Variants in SEMA3A observed in about 807,000 individuals in gnomAD.
SEMA3A encodes the protein semaphorin-3A.
Under a neutral mutation model 97.9 loss-of-function variants are expected in SEMA3A, and 29 were observed. The ratio of observed to expected loss-of-function variants is 0.30; its 90% CI spans 0.22 to 0.40. The LOEUF (loss-of-function observed/expected upper bound fraction) is 0.40. Ranked by LOEUF, SEMA3A falls within the 10% of genes least tolerant of loss-of-function variation. SEMA3A has a pLI of 1.00. For synonymous variants in SEMA3A, 321 were observed against 323.7 expected (o/e 0.99, Z 0.09); for missense variants, 763 against 951.3 (o/e 0.80, Z 2.60).
intron 1 of SEMA3A, among the ~76,000 whole-genome samples, chr7:84,447,693 T>C (rs906881185): frequency 6.6e-6 from 1 of 152,122 alleles, no homozygotes; most frequent in African/African-American, 2.4e-5. Context: ...TTGCTCACCC[T>C]CCAGTTGTCC....
chr7:84,091,100 GAGAA>G (rs774845420), intron 4 of SEMA3A, among the ~76,000 whole-genome samples: 8 of 95,348 alleles, frequency 8.4e-5, no homozygotes, highest in African/African-American at 1.9e-4. Flanking sequence ...AGGAAAGAAA[GAGAA>G]AGAAAGAAAG....
At chr7:84,472,160 T>C (rs1482946332) in intron 1 of SEMA3A, among the ~76,000 whole-genome samples, 2 of 152,104 alleles carry the variant, frequency 1.3e-5, no homozygotes, top group Non-Finnish European at 2.9e-5. Flanking sequence ...TGTGATTACA[T>C]GTCCATATAA....
chr7:84,011,479 C>T (rs563003742), intron 7 of SEMA3A, among the ~76,000 whole-genome samples, 182 bp from the exon 8 acceptor site: 3 of 152,046 alleles, frequency 2.0e-5, no homozygotes, highest in Admixed American at 6.5e-5. Context: ...GTGGTCGAAT[C>T]GTTCCCTCAA....
intron 4 of SEMA3A, among the ~76,000 whole-genome samples, chr7:84,098,992 C>T (rs992415248): frequency 1.3e-5 from 2 of 151,262 alleles, no homozygotes; most frequent in African/African-American, 4.9e-5. Flanking sequence ...GTAATAACAA[C>T]AATCGTGGAC....
chr7:83,962,461 A>G (rs1271366560), intron 16 of SEMA3A, among the ~76,000 whole-genome samples: 2 of 152,176 alleles, frequency 1.3e-5, no homozygotes, highest in Non-Finnish European at 2.9e-5. Context: ...ATGGGATTAT[A>G]TAGTTTTAAG....
chr7:84,321,410 C>G (rs1233934896), intron 2 of SEMA3A, among the ~76,000 whole-genome samples: 1 of 152,138 alleles, frequency 6.6e-6, no homozygotes, highest in Non-Finnish European at 1.5e-5. Flanking sequence ...ATAACACAAT[C>G]TCTCTGCACA....
chr7:84,213,872 C>T (rs73181383), intron 3 of SEMA3A, among the ~76,000 whole-genome samples: 10,766 of 152,174 alleles, frequency 0.071, 529 homozygotes, highest in Non-Finnish European at 0.083. Context: ...AGGGAGGTTG[C>T]CCCAGCACTA....
At chr7:84,055,761 T>G (rs1202344583) in intron 5 of SEMA3A, among the ~76,000 whole-genome samples, 2 of 151,986 alleles carry the variant, frequency 1.3e-5, no homozygotes, top group African/African-American at 2.4e-5. Context: ...AGCATAGTGT[T>G]AATTTGACAA....
intron 3 of SEMA3A, among the ~76,000 whole-genome samples, chr7:84,117,699 T>G (rs1467665868): frequency 1.3e-5 from 2 of 152,160 alleles, no homozygotes; most frequent in Non-Finnish European, 2.9e-5. Context: ...ATCCCCTTTT[T>G]GGCCTGTGAA....
At chr7:84,013,808 C>T (rs1360640990) in intron 7 of SEMA3A, among the ~76,000 whole-genome samples, 1 of 152,134 alleles carries the variant, frequency 6.6e-6, no homozygotes, top group Non-Finnish European at 1.5e-5. Context: ...GATTGCATCA[C>T]TACACTCCAG....
chr7:84,201,254 A>G (rs1260472307), intron 3 of SEMA3A, among the ~76,000 whole-genome samples: 2 of 152,050 alleles, frequency 1.3e-5, no homozygotes, highest in Non-Finnish European at 2.9e-5. Flanking sequence ...AATGTTTTTA[A>G]TGAGCTTGAA....
Position 83,966,759 on chromosome 7 carries a change from T to G in SEMA3A, c.1718-3412A>C, listed in dbSNP as rs111484977. Among the ~76,000 whole-genome samples the G allele has an allele frequency of 3.3e-5, 5 of 152,136 alleles. 1 individual carries two copies. Among genetic ancestry groups the G allele is most frequent in the African/African-American group, 1.2e-4 (5 of 41,496 alleles). ...GGAGTTTCCCTATTGTTGCCCAGGCTGGAGTGCAATGGCGTGATCTCGGCT... is the reference window on the plus strand; with the variant it reads ...GGAGTTTCCCTATTGTTGCCCAGGCGGGAGTGCAATGGCGTGATCTCGGCT... On this transcript the variant is annotated intron_variant, in intron 15 of 16. Coordinates refer to ENST00000265362, the MANE Select transcript of SEMA3A (RefSeq NM_006080.3).
chr7:84,163,826 G>T (rs1458751380), intron 1 of SEMA3A, among the ~76,000 whole-genome samples: 2 of 149,254 alleles, frequency 1.3e-5, no homozygotes, highest in East Asian at 3.9e-4. Context: ...AATGGCAATT[G>T]ATTTCACACA....
At chr7:84,211,137 G>A (rs1798613643) in intron 3 of SEMA3A, among the ~76,000 whole-genome samples, 2 of 152,118 alleles carry the variant, frequency 1.3e-5, no homozygotes, top group South Asian at 4.1e-4. Context: ...TCGTTCTTTA[G>A]TTTTTATTCT....
At position 83,959,089 on chromosome 7, in the gene SEMA3A, T is replaced by C. The variant is rs1380656971; in HGVS notation, c.*2282A>G. ...GGTATATAAAGACATGCCTGTAGAT[T>C]TGTTTGTTTGTGTAACTTTTAATTG... On this transcript the variant is annotated 3_prime_UTR_variant, in exon 17 of 17. Coordinates refer to ENST00000265362, the MANE Select transcript of SEMA3A (RefSeq NM_006080.3). The C allele has an allele frequency of 2.6e-5, 4 of 152,028 alleles. No individual in the cohort carries two copies. Among genetic ancestry groups the C allele is most frequent in the Non-Finnish European group, 5.9e-5 (4 of 67,910 alleles). 9.4% of individuals were successfully genotyped at this position (152,028 alleles called of 1,614,324 possible). A position where few individuals can be genotyped will look rare whatever the true frequency, so the allele number is the denominator to read the frequency against.
chr7:84,239,310 A>C (rs1799307430), intron 3 of SEMA3A, among the ~76,000 whole-genome samples: 1 of 152,188 alleles, frequency 6.6e-6, no homozygotes, highest in African/African-American at 2.4e-5. Flanking sequence ...TGTTTTATCT[A>C]AAACAATCAA....
chr7:84,360,446 G>T (rs559448857), intron 2 of SEMA3A, among the ~76,000 whole-genome samples: 8 of 152,156 alleles, frequency 5.3e-5, no homozygotes, highest in African/African-American at 1.7e-4. Flanking sequence ...GTGTAGTTGA[G>T]CAGTTTTGAG....
intron 1 of SEMA3A, among the ~76,000 whole-genome samples, chr7:84,166,900 A>G (rs1454033974): frequency 3.3e-5 from 5 of 150,702 alleles, no homozygotes; most frequent in Admixed American, 1.3e-4. Flanking sequence ...AAAAAAAAAA[A>G]AAGAAGCTGA....
intron 6 of SEMA3A, among the ~76,000 whole-genome samples, chr7:84,037,304 G>A (rs1791975456): frequency 6.6e-6 from 1 of 151,848 alleles, no homozygotes; most frequent in African/African-American, 2.4e-5. Flanking sequence ...TGATATCAAA[G>A]CCCTGGCATC....
Sources: allele counts gnomAD v4.1 joint callset (sites outside exome capture counted in the v4.1 genomes callset), GRCh38; gene constraint gnomAD v4.1.1; transcripts MANE v1.5; gene names NCBI Gene and HGNC (gene_info 2026-07-23, HGNC 2026-07-21).